AP1S3: variants seen among roughly 807,000 people sequenced by gnomAD.
AP1S3 encodes the protein adaptor related protein complex 1 subunit sigma 3.
Under a neutral mutation model 20.9 loss-of-function variants are expected in AP1S3, and 10 were observed. That is an observed-to-expected ratio of 0.48 (90% confidence interval 0.29 to 0.81). The LOEUF is 0.81. AP1S3 is among the 30% of genes least tolerant of loss of function. The pLI is 0.08. For synonymous variants in AP1S3, 41 were observed against 61.5 expected (o/e 0.67, Z 1.56); for missense variants, 154 against 183.8 (o/e 0.84, Z 0.94).
chr2:223,785,885 T>G (rs1691061104), intron 1 of AP1S3, among the ~76,000 whole-genome samples: 1 of 152,206 alleles, frequency 6.6e-6, no homozygotes, highest in South Asian at 2.1e-4. Context: ...CAACAATGAA[T>G]TCTACATGTA....
chr2:223,760,698 G>C (rs1427986888), intron 4 of AP1S3, among the ~76,000 whole-genome samples: 2 of 149,314 alleles, frequency 1.3e-5, no homozygotes, highest in African/African-American at 2.5e-5. Context: ...ACAAAATCAG[G>C]TATAAAGTGT....
At chr2:223,760,889 C>A (rs564528590) in intron 4 of AP1S3, among the ~76,000 whole-genome samples, 1 of 152,214 alleles carries the variant, frequency 6.6e-6, no homozygotes, top group East Asian at 1.9e-4. Context: ...GCAAAGTGGA[C>A]AAAAACCCAT....
chr2:223,782,005 T>C (rs1033979732), intron 1 of AP1S3, among the ~76,000 whole-genome samples: 7 of 151,134 alleles, frequency 4.6e-5, no homozygotes, highest in Non-Finnish European at 1.0e-4. Flanking sequence ...GAGATAGGCT[T>C]TAAGTCTTTT....
Position 223,776,201 on chromosome 2 carries a change from G to C in AP1S3, c.183-192C>G. The stretch of plus-strand genomic sequence containing the variant: ...ATATATGAAAATTCTGTGGGGGTTG[G>C]ATTACTTCCATTAATTACGCATGAA... On this transcript the variant is annotated intron_variant, in intron 2 of 4. Transcript: ENST00000396654. The C allele has an allele frequency of 4.4e-6, 3 of 683,134 alleles. 1 individual carries two copies. The South Asian group carries it at 4.5e-5, about 10-fold the overall frequency. The allele number at this position is 683,134 out of a possible 1,614,324, so 42.3% of individuals were successfully genotyped here.
rs952405953 is a variant in AP1S3 at position 223,755,991 on chromosome 2, G to A, written c.*2724C>T. 41 of 985,226 alleles carry A rather than the reference G, an allele frequency of 4.2e-5. No individual in the cohort carries two copies. The highest frequency in any genetic ancestry group is 1.7e-4 in the African/African-American group (10 of 57,222). The allele number at this position is 985,226 out of a possible 1,614,324, so 61.0% of individuals were successfully genotyped here. On this transcript the variant is annotated 3_prime_UTR_variant, in exon 5 of 5. Coordinates refer to ENST00000396654, the MANE Select transcript of AP1S3 (RefSeq NM_001039569.2). ...TATGGTGACAAATTTCAAAAGAACC[G>A]GAAAAACTATGATGGATTTACATGA...
chr2:223,762,521 C>T (rs1234167082), intron 4 of AP1S3, among the ~76,000 whole-genome samples: 20 of 152,116 alleles, frequency 1.3e-4, no homozygotes, highest in Admixed American at 1.3e-3. Flanking sequence ...GATCCGCCCA[C>T]CTCGGCCTCC....
At chr2:223,820,668 GAA>G (rs1242596885) in intron 1 of AP1S3, among the ~76,000 whole-genome samples, 4 of 118,212 alleles carry the variant, frequency 3.4e-5, no homozygotes, top group Admixed American at 9.2e-5. Flanking sequence ...CAAACTAGGA[GAA>G]AAAAAAAAAA....
intron 1 of AP1S3, among the ~76,000 whole-genome samples, chr2:223,832,902 A>G (rs1210603273): frequency 2.7e-5 from 4 of 150,498 alleles, no homozygotes. Flanking sequence ...TCTGTTTGGT[A>G]AATTCTCTCA....
Position 223,777,878 on chromosome 2 carries a change from A to G in AP1S3, c.4-9T>C. 1 of 1,605,022 alleles carries G rather than the reference A, an allele frequency of 6.2e-7. No homozygotes were observed. The highest frequency in any genetic ancestry group is 1.3e-5 in the African/African-American group (1 of 74,706). ...AGCAATATGAAATGTATCTAGAACA[A>G]AGGACACAAAAAACAGAACCTGATC... On this transcript the variant is annotated splice_polypyrimidine_tract_variant and intron_variant, in intron 1 of 4. Transcript: ENST00000396654.
intron 1 of AP1S3, among the ~76,000 whole-genome samples, chr2:223,803,655 G>A (rs576743114): frequency 6.6e-6 from 1 of 152,146 alleles, no homozygotes; most frequent in East Asian, 1.9e-4. Context: ...TGAGGTGGGC[G>A]AATCATGAAG....
At chr2:223,828,269 T>C (rs9751989) in intron 1 of AP1S3, among the ~76,000 whole-genome samples, 70,751 of 144,918 alleles carry the variant, frequency 0.49, 17,565 homozygotes, top group Admixed American at 0.57. Flanking sequence ...CTGGGGTCAT[T>C]CCCCTCACCA....
chr2:223,793,105 C>G (rs138164682), intron 1 of AP1S3, among the ~76,000 whole-genome samples: 1 of 152,132 alleles, frequency 6.6e-6, no homozygotes, highest in Non-Finnish European at 1.5e-5. Flanking sequence ...GAAAAAGGAA[C>G]GCTTTTACAC....
At chr2:223,768,777 C>T (rs927122079) in intron 3 of AP1S3, among the ~76,000 whole-genome samples, 1 of 152,154 alleles carries the variant, frequency 6.6e-6, no homozygotes. Flanking sequence ...ATCACTTGAA[C>T]CCAGGAGGCA....
At chr2:223,815,732 CA>C (rs1457975155) in intron 1 of AP1S3, among the ~76,000 whole-genome samples, 2 of 152,228 alleles carry the variant, frequency 1.3e-5, no homozygotes, top group African/African-American at 4.8e-5. Flanking sequence ...CACTTAACTT[CA>C]GCAATAGATT....
In AP1S3 at chr2:223,762,268, A is replaced by ATTTTTTTTTTTTTTTTTTTTTTT. The variant is rs57119521; in HGVS notation, c.429+2944_429+2945insAAAAAAAAAAAAAAAAAAAAAAA. 3.8e-5 allele frequency among the ~76,000 whole-genome samples: 4 copies of ATTTTTTTTTTTTTTTTTTTTTTT among 105,198 alleles called. 2 individuals carry two copies. Among genetic ancestry groups the ATTTTTTTTTTTTTTTTTTTTTTT allele is most frequent in the African/African-American group, 7.4e-5 (2 of 27,072 alleles). The allele number at this position is 105,198 out of a possible 152,430, so 69.0% of individuals were successfully genotyped here. On this transcript the variant is annotated intron_variant, in intron 4 of 4. Transcript: ENST00000396654. ...TAGGCATGAGCCATTGTGCCCAGCA[A>ATTTTTTTTTTTTTTTTTTTTTTT]TTTTTTTTTTTTTTTTTTTTTTGAG...
rs932178726 is a variant in AP1S3, at chr2:223,803,898, T to A, written c.4-26029A>T. On this transcript the variant is annotated intron_variant, in intron 1 of 4. Coordinates refer to ENST00000396654, the MANE Select transcript of AP1S3 (RefSeq NM_001039569.2). ...CCGTCTCAAAAAAAAAAAAAAAAAA[T>A]AGATGAGAGTATCAATTCCAAAAGG... 1.8e-3 allele frequency among the ~76,000 whole-genome samples: 258 copies of A among 142,232 alleles called. 1 individual carries two copies. Among genetic ancestry groups the A allele is most frequent in the African/African-American group, 6.3e-3 (241 of 37,966 alleles). The allele number at this position is 142,232 out of a possible 152,430, so 93.3% of individuals were successfully genotyped here.
chr2:223,811,870 A>G lies in AP1S3; in HGVS notation c.3+25578T>C, dbSNP rs530549873. Among the ~76,000 whole-genome samples the G allele has an allele frequency of 4.6e-5, 7 of 152,316 alleles. No individual in the cohort carries two copies. The East Asian group carries it at 1.3e-3, about 29-fold the overall frequency. On this transcript the variant is annotated intron_variant, in intron 1 of 4. Coordinates refer to ENST00000396654, the MANE Select transcript of AP1S3 (RefSeq NM_001039569.2). Reference sequence around the variant, plus strand: ...GATAAAATAATGGCCATAGGAAACAATCTGGCACAGTGGCATAAACTGTGG... The same window carrying G: ...GATAAAATAATGGCCATAGGAAACAGTCTGGCACAGTGGCATAAACTGTGG...
chr2:223,826,443 A>C (rs2106130263), intron 1 of AP1S3, among the ~76,000 whole-genome samples: 1 of 152,184 alleles, frequency 6.6e-6, no homozygotes, highest in Admixed American at 6.5e-5. Flanking sequence ...AAATACAAAA[A>C]TTAGCTGAGC....
intron 1 of AP1S3, among the ~76,000 whole-genome samples, chr2:223,803,401 T>TC (rs1410233241): frequency 6.6e-6 from 1 of 152,174 alleles, no homozygotes; most frequent in Non-Finnish European, 1.5e-5. Context: ...TGCTCAAAAT[T>TC]CCATATGTAA....
Sources: allele counts gnomAD v4.1 joint callset (sites outside exome capture counted in the v4.1 genomes callset), GRCh38; gene constraint gnomAD v4.1.1; transcripts MANE v1.5; gene names NCBI Gene and HGNC (gene_info 2026-07-23, HGNC 2026-07-21).